The following TBC1D5 variants were observed in gnomAD, a reference collection of about 807,000 sequenced individuals.
TBC1D5 encodes the protein TBC1 domain family member 5.
In TBC1D5, 75 loss-of-function variants were observed where a neutral mutation model predicts 100.3. The observed-to-expected ratio is 0.75, with a 90% CI of 0.62 to 0.91. TBC1D5 has a LOEUF of 0.91. Ranked by LOEUF, TBC1D5 falls within the 40% of genes least tolerant of loss-of-function variation. The pLI, the probability that TBC1D5 is intolerant of heterozygous loss-of-function variation, is 0.00. For missense variants in TBC1D5, 910 were observed against 942.4 expected (o/e 0.97, Z 0.45); for synonymous variants, 323 against 325.6 (o/e 0.99, Z 0.09).
chr3:17,636,452 A>C (rs2063937392), intron 1 of TBC1D5, among the ~76,000 whole-genome samples: 1 of 152,126 alleles, frequency 6.6e-6, no homozygotes, highest in South Asian at 2.1e-4. Context: ...AATAAGAGAA[A>C]TTAGTCAACC....
chr3:17,728,926 T>C (rs1451911126), intron 1 of TBC1D5, among the ~76,000 whole-genome samples: 3 of 140,574 alleles, frequency 2.1e-5, no homozygotes, highest in African/African-American at 8.0e-5. Context: ...TAAAAATATA[T>C]AGCAAATTTA....
At chr3:17,305,925 C>T (rs1009314243) in intron 14 of TBC1D5, among the ~76,000 whole-genome samples, 1 of 152,170 alleles carries the variant, frequency 6.6e-6, no homozygotes, top group African/African-American at 2.4e-5. Flanking sequence ...TACAAGTGAT[C>T]ACATTTCTGC....
At chr3:17,158,062 G>GTAAC (rs1378238871) in exon 22 of TBC1D5, 3 of 152,220 alleles carry the variant, frequency 2.0e-5, no homozygotes, top group Non-Finnish European at 4.4e-5. Context: ...GTAATCCAGT[G>GTAAC]TAACTAAATG....
chr3:17,405,436 GA>G (rs1322338466), intron 5 of TBC1D5, among the ~76,000 whole-genome samples: 1 of 151,522 alleles, frequency 6.6e-6, no homozygotes, highest in East Asian at 1.9e-4. Context: ...TCCTTTTACA[GA>G]AAAAAAATGT....
At position 17,534,551 on chromosome 3, in the gene TBC1D5, C is replaced by T. The variant is rs543055084; in HGVS notation, c.-35-25946G>A. ...CCCACAAGATACTGGTTTTCTCTAA[C>T]ACTTCACAATGCTTCTGAGATAGCA... On this transcript the variant is annotated intron_variant, in intron 2 of 21. Transcript: ENST00000253692. Among the ~76,000 whole-genome samples, 4 of 152,288 alleles carry T rather than the reference C, an allele frequency of 2.6e-5. No homozygotes were observed. In the South Asian group the frequency reaches 8.3e-4, roughly 32 times the overall value.
intron 19 of TBC1D5, among the ~76,000 whole-genome samples, chr3:17,169,983 T>C (rs1041580200): frequency 1.3e-5 from 2 of 152,252 alleles, no homozygotes; most frequent in Non-Finnish European, 1.5e-5. Context: ...CAGAATCCAA[T>C]GCTGCCTCTG....
At chr3:17,696,989 A>G (rs568238584) in intron 1 of TBC1D5, among the ~76,000 whole-genome samples, 3 of 152,324 alleles carry the variant, frequency 2.0e-5, no homozygotes, top group African/African-American at 7.2e-5. Flanking sequence ...CATAAACAGA[A>G]CCAATGATAA....
chr3:17,692,328 G>A (rs1305685020), intron 1 of TBC1D5, among the ~76,000 whole-genome samples: 1 of 152,016 alleles, frequency 6.6e-6, no homozygotes, highest in Non-Finnish European at 1.5e-5. Context: ...CTAATCTCAG[G>A]TGATCCACCC....
intron 13 of TBC1D5, among the ~76,000 whole-genome samples, chr3:17,310,513 G>A (rs1163230869): frequency 6.6e-6 from 1 of 152,046 alleles, no homozygotes; most frequent in African/African-American, 2.4e-5. Context: ...GAGAGAGAGA[G>A]AGATCCAGAA....
intron 16 of TBC1D5, among the ~76,000 whole-genome samples, chr3:17,242,055 T>C (rs1173986446): frequency 6.6e-6 from 1 of 152,096 alleles, no homozygotes; most frequent in Non-Finnish European, 1.5e-5. Flanking sequence ...TGAATGAAAA[T>C]AGGTGATTTT....
chr3:17,516,370 C>T (rs2095987925), intron 2 of TBC1D5, among the ~76,000 whole-genome samples: 1 of 151,624 alleles, frequency 6.6e-6, no homozygotes, highest in Admixed American at 6.6e-5. Flanking sequence ...TTCCTATTTA[C>T]ATAAATTTAT....
At chr3:17,716,361 T>G (rs1489405820) in intron 1 of TBC1D5, among the ~76,000 whole-genome samples, 2 of 152,172 alleles carry the variant, frequency 1.3e-5, no homozygotes, top group African/African-American at 4.8e-5. Context: ...AACTGTCATT[T>G]TTTTTTTGAA....
intron 19 of TBC1D5, among the ~76,000 whole-genome samples, chr3:17,173,757 A>G (rs2067403301): frequency 6.6e-6 from 1 of 152,170 alleles, no homozygotes; most frequent in Non-Finnish European, 1.5e-5. Context: ...ACAATCTCAT[A>G]TAAGGGACTG....
At chr3:17,293,797 A>G (rs2081990065) in intron 14 of TBC1D5, among the ~76,000 whole-genome samples, 1 of 152,264 alleles carries the variant, frequency 6.6e-6, no homozygotes, top group Non-Finnish European at 1.5e-5. Context: ...TACTACTAAT[A>G]TAACTAAGAT....
chr3:17,655,070 G>C (rs1244502089), intron 1 of TBC1D5, among the ~76,000 whole-genome samples: 1 of 151,184 alleles, frequency 6.6e-6, no homozygotes, highest in African/African-American at 2.4e-5. Context: ...TATTAGTCTT[G>C]CTAGCGGTCT....
intron 15 of TBC1D5, among the ~76,000 whole-genome samples, chr3:17,285,798 T>G (rs1181203789): frequency 6.6e-6 from 1 of 152,202 alleles, no homozygotes; most frequent in Non-Finnish European, 1.5e-5. Context: ...AATTTGAAAT[T>G]TGAAATTCAG....
intron 1 of TBC1D5, among the ~76,000 whole-genome samples, chr3:17,704,727 G>C (rs2073770348): frequency 1.7e-5 from 1 of 60,196 alleles, no homozygotes; most frequent in Admixed American, 1.6e-4. Flanking sequence ...TCCCGGACGG[G>C]GCGGCTGGCC....
At chr3:17,543,631 C>G (rs1288627637) in intron 2 of TBC1D5, among the ~76,000 whole-genome samples, 1 of 150,910 alleles carries the variant, frequency 6.6e-6, no homozygotes, top group Non-Finnish European at 1.5e-5. Context: ...AAGCAAGACC[C>G]CATCTCAAAA....
chr3:17,616,254 A>T (rs1270240091), intron 2 of TBC1D5, among the ~76,000 whole-genome samples: 1 of 152,112 alleles, frequency 6.6e-6, no homozygotes, highest in Non-Finnish European at 1.5e-5. Context: ...TCTGAGAGGC[A>T]GCTTGTTGTG....
Sources: allele counts gnomAD v4.1 joint callset (sites outside exome capture counted in the v4.1 genomes callset), GRCh38; gene constraint gnomAD v4.1.1; transcripts MANE v1.5; gene names NCBI Gene and HGNC (gene_info 2026-07-23, HGNC 2026-07-21).